MAPK6: variants seen among roughly 807,000 people sequenced by gnomAD.
MAPK6 encodes the protein mitogen-activated protein kinase 6, also known as ERK-3.
MAPK6 carries 19 observed loss-of-function variants against 59.3 expected under a neutral mutation model. That is an observed-to-expected ratio of 0.32 (90% CI 0.22 to 0.47). The LOEUF is 0.47. MAPK6 is among the 20% of genes least tolerant of loss of function. MAPK6 has a pLI of 1.00. For missense variants in MAPK6, 724 were observed against 847.9 expected (o/e 0.85, Z 1.81); for synonymous variants, 316 against 290.3 (o/e 1.09, Z -0.90).
At chr15:52,015,264 G>C (rs941065648), upstream of MAPK6, among the ~76,000 whole-genome samples, 2 of 151,996 alleles carry the variant, frequency 1.3e-5, no homozygotes. Flanking sequence ...GCTTCCCAAA[G>C]TGCTGGGATT....
Position 52,025,841 on chromosome 15 carries a change from T to G in MAPK6, c.-632+6465T>G, listed in dbSNP as rs561130064. 5.9e-5 allele frequency among the ~76,000 whole-genome samples: 9 copies of G among 152,310 alleles called. No homozygotes were observed. In the South Asian group the frequency reaches 1.9e-3, roughly 32 times the overall value. ...CTGGTGGTTACATGGACAGCACAGA[T>G]CTAGATGATCTTTGCCCACTCTAAA... On this transcript the variant is annotated intron_variant, in intron 1 of 5. Transcript: ENST00000261845.
intron 2 of MAPK6, among the ~76,000 whole-genome samples, chr15:51,985,631 G>A (rs2057188517): frequency 1.3e-5 from 2 of 151,504 alleles, no homozygotes; most frequent in South Asian, 4.2e-4. Context: ...CTCCAACCTG[G>A]GTGACAGAGC....
chr15:52,025,054 A>G (rs1446685169), intron 1 of MAPK6, among the ~76,000 whole-genome samples: 1 of 152,054 alleles, frequency 6.6e-6, no homozygotes, highest in East Asian at 1.9e-4. Flanking sequence ...ACACCTGGGC[A>G]ACATAGTGAG....
intron 1 of MAPK6, among the ~76,000 whole-genome samples, chr15:52,025,942 A>T (rs1016447293): frequency 3.3e-5 from 5 of 152,150 alleles, no homozygotes; most frequent in Non-Finnish European, 7.4e-5. Flanking sequence ...TTGGAGAGAG[A>T]GTATGTTGAC....
At chr15:52,050,168 C>G (rs1297950084) in intron 3 of MAPK6, 31 bp downstream of exon 3, 1 of 1,576,066 alleles carries the variant, frequency 6.3e-7, no homozygotes, top group Admixed American at 2.1e-5. Context: ...AAAATTTTCC[C>G]AAAGAGAAGT....
At position 52,022,279 on chromosome 15, in the gene MAPK6, G is replaced by A. The variant is rs138104029; in HGVS notation, c.-632+2903G>A. Among the ~76,000 whole-genome samples the A allele has an allele frequency of 2.8e-3, 421 of 152,286 alleles. 4 individuals carry two copies. The highest frequency in any genetic ancestry group is 9.5e-3 in the African/African-American group (396 of 41,548). ...ACAGTAAAGTGTTTGTTGTTTTTGT[G>A]AGACAGGGTCTTGCTCTGTCACCCT... On this transcript the variant is annotated intron_variant, in intron 1 of 5. Transcript: ENST00000261845.
rs766216226 is a variant in MAPK6 at position 52,058,713 on chromosome 15, A to G, written c.781A>G (p.Ser261Gly). Reference sequence around the variant, plus strand: ...TGAGGAAGATCGTCAGGAGCTTCTCAGCGTAATTCCAGTTTACATTAGAAA... The same window carrying G: ...TGAGGAAGATCGTCAGGAGCTTCTCGGCGTAATTCCAGTTTACATTAGAAA... ...VHEEDRQELLSVIPVYIRNDM... is the reference protein window; with the variant it reads ...VHEEDRQELLGVIPVYIRNDM... The change falls in exon 4 of 6, where the codon AGC becomes GGC. Residue 261 changes from serine (S) to glycine (G), a missense_variant. Physicochemically the swap from Ser to Gly is moderately conservative, Grantham distance 56. Around this residue, in one of 4 missense-constraint regions of MAPK6, gnomAD observed 105 missense variants for 191.9 expected, o/e 0.55. Transcript: ENST00000261845. 2.0e-5 allele frequency: 32 copies of G among 1,613,656 alleles called. No individual in the cohort carries two copies. The highest frequency in any genetic ancestry group is 2.6e-5 in the Non-Finnish European group (31 of 1,179,784).
At chr15:51,983,273 G>A (rs769867903) in exon 2 of MAPK6, among the ~76,000 whole-genome samples, 3 of 151,942 alleles carry the variant, frequency 2.0e-5, no homozygotes, top group African/African-American at 7.3e-5. Flanking sequence ...GATCACCTGA[G>A]GTCGGGAGTT....
intron 2 of MAPK6, among the ~76,000 whole-genome samples, chr15:51,993,809 T>C (rs1177714726): frequency 1.3e-5 from 2 of 150,846 alleles, no homozygotes; most frequent in Non-Finnish European, 3.0e-5. Flanking sequence ...TTTCTTTTTT[T>C]TTTTTTTTGA....
chr15:52,049,419 C>T (rs1266546878), intron 2 of MAPK6, among the ~76,000 whole-genome samples: 1 of 141,986 alleles, frequency 7.0e-6, no homozygotes, highest in Non-Finnish European at 1.5e-5. Flanking sequence ...CCTCTGTCTC[C>T]TGCGCTTAAG....
chr15:51,993,802 CTTT>C (rs1169370572), intron 2 of MAPK6, among the ~76,000 whole-genome samples: 1 of 140,454 alleles, frequency 7.1e-6, no homozygotes, highest in Non-Finnish European at 1.6e-5. Context: ...TTTTTTCTTT[CTTT>C]TTTTTTTTTT....
rs141034339 is a variant in MAPK6 at position 52,040,131 on chromosome 15, C to G, written c.-631-5699C>G. ...GCTGTAGCACTTGGCCTTCTCTGCCCGAAAATCTTAGTAGCTTTGATGAGA... is the reference window on the plus strand; with the variant it reads ...GCTGTAGCACTTGGCCTTCTCTGCCGGAAAATCTTAGTAGCTTTGATGAGA... On this transcript the variant is annotated intron_variant, in intron 1 of 5. Transcript: ENST00000261845. Among the ~76,000 whole-genome samples, 1,042 of 152,280 alleles carry G rather than the reference C, an allele frequency of 6.8e-3. 8 individuals are homozygous for G. The highest frequency in any genetic ancestry group is 0.011 in the Non-Finnish European group (728 of 68,020).
chr15:52,052,471 A>G (rs982218662), intron 3 of MAPK6, among the ~76,000 whole-genome samples: 20 of 152,210 alleles, frequency 1.3e-4, no homozygotes, highest in African/African-American at 4.1e-4. Flanking sequence ...TTTTTAGTAT[A>G]TTTACAGAGT....
chr15:52,011,700 A>G (rs1020678345), intron 3 of MAPK6, among the ~76,000 whole-genome samples: 3 of 152,176 alleles, frequency 2.0e-5, no homozygotes, highest in Non-Finnish European at 4.4e-5. Context: ...TCACTAATTT[A>G]CTGTTCATGA....
At chr15:52,051,738 G>A (rs2031789329) in intron 3 of MAPK6, among the ~76,000 whole-genome samples, 1 of 152,090 alleles carries the variant, frequency 6.6e-6, no homozygotes, top group African/African-American at 2.4e-5. Context: ...GCTGGGCATG[G>A]TGGCGCACGC....
At chr15:52,023,220 A>C (rs1369879767) in intron 1 of MAPK6, among the ~76,000 whole-genome samples, 1 of 151,608 alleles carries the variant, frequency 6.6e-6, no homozygotes, top group Non-Finnish European at 1.5e-5. Context: ...TACCACTGCT[A>C]TCCAGTTCTT....
At chr15:52,029,550 T>G (rs2030949153) in intron 1 of MAPK6, among the ~76,000 whole-genome samples, 1 of 152,214 alleles carries the variant, frequency 6.6e-6, no homozygotes, top group Admixed American at 6.5e-5. Flanking sequence ...ACTGCCTTGC[T>G]AGACATTACC....
At chr15:52,006,625 A>T (rs918389514) in intron 3 of MAPK6, among the ~76,000 whole-genome samples, 1 of 152,218 alleles carries the variant, frequency 6.6e-6, no homozygotes, top group African/African-American at 2.4e-5. Flanking sequence ...GTGGATTGGC[A>T]GCTGGTCTAG....
intron 1 of MAPK6, among the ~76,000 whole-genome samples, chr15:52,021,796 CAT>C (rs1037415119): frequency 6.6e-6 from 1 of 152,056 alleles, no homozygotes; most frequent in Non-Finnish European, 1.5e-5. Flanking sequence ...ATTATTAAAA[CAT>C]AATTATATAT....
Sources: gnomAD v4.1 joint callset for allele counts (sites outside exome capture counted in the v4.1 genomes callset) on GRCh38, gnomAD v4.1.1 for gene constraint, gnomAD v4.1.1 regional missense constraint, MANE v1.5 for transcripts, NCBI Gene and HGNC (gene_info 2026-07-23, HGNC 2026-07-21) for gene names.